Variants in SNX6 observed in about 807,000 individuals in gnomAD.
The protein encoded by SNX6 is sorting nexin 6, also known as sorting nexin-6.
SNX6 carries 34 observed loss-of-function variants against 63.0 expected under a neutral mutation model. That is an observed-to-expected ratio of 0.54 (90% CI 0.41 to 0.72). The LOEUF is 0.72. Among genes scored for constraint, SNX6 ranks in the 30% least tolerant of loss-of-function variants. The pLI is 0.00. For synonymous variants in SNX6, 170 were observed against 164.2 expected (o/e 1.04, Z -0.27); for missense variants, 398 against 471.4 (o/e 0.84, Z 1.44).
At chr14:34,586,513 G>C (rs1882163229) in intron 8 of SNX6, among the ~76,000 whole-genome samples, 1 of 151,540 alleles carries the variant, frequency 6.6e-6, no homozygotes, top group African/African-American at 2.4e-5. Flanking sequence ...TTTGAGACCA[G>C]CTGGGCCAAC....
At chr14:34,575,627 G>C in intron 11 of SNX6, 129 bp downstream of exon 11, 1 of 451,068 alleles carries the variant, frequency 2.2e-6, no homozygotes, top group Admixed American at 3.9e-5. Flanking sequence ...AGGAGAAATA[G>C]AATTCATATT....
In SNX6 at chr14:34,567,975, A is replaced by G. The variant is rs1432445921; in HGVS notation, c.960T>C (p.Tyr320=). The change falls in exon 12 of 14, where the codon TAT becomes TAC. Residue 320 remains tyrosine (Y), a synonymous_variant. Coordinates refer to ENST00000362031, the MANE Select transcript of SNX6 (RefSeq NM_152233.4). ...TATCCAGTGCTTTATTAGCATTTTC[A>G]TAATCCACTAGTGACCTAGACCTTC... ...LYRRSRSLVD[Y]ENANKALDKA... 1 of 1,612,200 alleles carries G rather than the reference A, an allele frequency of 6.2e-7. No individual in the cohort carries two copies. The highest frequency in any genetic ancestry group is 1.7e-5 in the Admixed American group (1 of 59,980).
chr14:34,613,365 C>T (rs935134246), intron 2 of SNX6, among the ~76,000 whole-genome samples: 1 of 152,206 alleles, frequency 6.6e-6, no homozygotes. Context: ...GTTACAGCAG[C>T]CACAGGAAAC....
chr14:34,595,374 T>G (rs1444394476), intron 7 of SNX6, among the ~76,000 whole-genome samples: 4 of 152,112 alleles, frequency 2.6e-5, no homozygotes, highest in Non-Finnish European at 5.9e-5. Context: ...TGACCTCAGG[T>G]GATCTGCCTG....
intron 2 of SNX6, among the ~76,000 whole-genome samples, chr14:34,615,087 C>T (rs1016462071): frequency 6.6e-6 from 1 of 151,968 alleles, no homozygotes; most frequent in African/African-American, 2.4e-5. Flanking sequence ...TTTCCTTATC[C>T]TTCTATACTA....
chr14:34,609,716 T>C lies in SNX6; in HGVS notation c.81A>G (p.Gln27=), dbSNP rs747688398. 10 of 1,611,944 alleles carry C rather than the reference T, an allele frequency of 6.2e-6. No homozygotes were observed. In the South Asian group the frequency reaches 1.1e-4, roughly 18 times the overall value. Residue 27 remains glutamine, a synonymous_variant, in exon 3 of 14, where the codon CAA becomes CAG. Transcript: ENST00000362031. ...TGTCCACCTGCAGAGCAGCATCACT[T>C]TGAAGATCTACATTTATTGCTTTAA... The part of the protein sequence containing the change: ...RGLKAINVDL[Q]SDAALQVDIS...
At chr14:34,588,194 A>C (rs1594716579) in intron 8 of SNX6, among the ~76,000 whole-genome samples, 1 of 151,992 alleles carries the variant, frequency 6.6e-6, no homozygotes, top group Non-Finnish European at 1.5e-5. Flanking sequence ...TTTTTAGTAG[A>C]GACAGGGTTT....
chr14:34,578,869 G>A (rs1259594727), intron 10 of SNX6, among the ~76,000 whole-genome samples: 1 of 137,444 alleles, frequency 7.3e-6, no homozygotes, highest in Non-Finnish European at 1.5e-5. Context: ...AACCTGGGAG[G>A]CGGAGGTTTC....
At chr14:34,577,551 C>T (rs536998792) in intron 10 of SNX6, among the ~76,000 whole-genome samples, 2 of 152,042 alleles carry the variant, frequency 1.3e-5, no homozygotes, top group African/African-American at 4.8e-5. Flanking sequence ...AGAGTAATAA[C>T]CAGAAGTGGT....
intron 6 of SNX6, 51 bp downstream of exon 6, chr14:34,603,297 G>T: frequency 7.4e-7 from 1 of 1,345,730 alleles, no homozygotes; most frequent in Non-Finnish European, 1.0e-6. Flanking sequence ...AAAAAAAAAA[G>T]AAGAAGAAGA....
chr14:34,594,889 G>C (rs908169687), intron 7 of SNX6, among the ~76,000 whole-genome samples: 1 of 151,910 alleles, frequency 6.6e-6, no homozygotes, highest in African/African-American at 2.4e-5. Context: ...CTTGAGCCCA[G>C]GAGTTCAGCC....
chr14:34,601,275 G>C (rs1290702115), intron 6 of SNX6, among the ~76,000 whole-genome samples: 2 of 150,822 alleles, frequency 1.3e-5, no homozygotes, highest in East Asian at 3.9e-4. Flanking sequence ...ACCCAGGCTG[G>C]AATGCAGTGG....
At chr14:34,568,819 A>G in intron 11 of SNX6, 1 of 1,026,696 alleles carries the variant, frequency 9.7e-7, no homozygotes, top group South Asian at 1.3e-5. Flanking sequence ...GGCTTGGAGG[A>G]CCCGGTGGGC....
At chr14:34,563,472 T>G (rs1881022803) in intron 13 of SNX6, among the ~76,000 whole-genome samples, 1 of 149,886 alleles carries the variant, frequency 6.7e-6, no homozygotes, top group Non-Finnish European at 1.5e-5. Flanking sequence ...GGCAAGAGAA[T>G]GGCATGAACC....
intron 6 of SNX6, among the ~76,000 whole-genome samples, chr14:34,598,447 A>G (rs752242175): frequency 4.6e-4 from 70 of 152,212 alleles, no homozygotes; most frequent in South Asian, 8.3e-4. Flanking sequence ...GCTGAAGTGC[A>G]GTGGCGTGAT....
chr14:34,572,669 GTGTTTTTTT>G (rs1450077389), intron 11 of SNX6, among the ~76,000 whole-genome samples: 7 of 151,286 alleles, frequency 4.6e-5, no homozygotes, highest in Non-Finnish European at 4.4e-5. Flanking sequence ...TCAGTTATTT[GTGTTTTTTT>G]TGTTTTTTTT....
At chr14:34,618,538 A>C (rs189712244) in intron 2 of SNX6, among the ~76,000 whole-genome samples, 3 of 152,278 alleles carry the variant, frequency 2.0e-5, no homozygotes, top group Admixed American at 6.5e-5. Context: ...TTTAGTAGAG[A>C]CAAGGTTTCA....
rs1881259971 is a variant in SNX6 at position 34,567,897 on chromosome 14, T to C, written c.1038A>G (p.Leu346=). Reference sequence around the variant, plus strand: ...ATATTTTTTCAAATTTCTGACAACATAATTGTTGGGAAGTTTCGGCCTGTA... The same window carrying C: ...ATATTTTTTCAAATTTCTGACAACACAATTGTTGGGAAGTTTCGGCCTGTA... ...DVLQAETSQQ[L]CCQKFEKISE... is the part of the protein sequence containing the mutation. Residue 346 remains leucine, a synonymous_variant, in exon 12 of 14, where the codon TTA becomes TTG. Coordinates refer to ENST00000362031, the MANE Select transcript of SNX6 (RefSeq NM_152233.4). 6.2e-7 allele frequency: 1 copy of C among 1,614,104 alleles called. No individual in the cohort carries two copies. Among genetic ancestry groups the C allele is most frequent in the East Asian group, 2.2e-5 (1 of 44,872 alleles).
intron 2 of SNX6, among the ~76,000 whole-genome samples, chr14:34,617,199 C>CT (rs946809805): frequency 1.3e-5 from 2 of 152,134 alleles, no homozygotes; most frequent in African/African-American, 4.8e-5. Context: ...ATTGGACTGT[C>CT]TTTTGTCAGA....
Sources: allele counts gnomAD v4.1 joint callset (sites outside exome capture counted in the v4.1 genomes callset), GRCh38; gene constraint gnomAD v4.1.1; transcripts MANE v1.5; gene names NCBI Gene and HGNC (gene_info 2026-07-23, HGNC 2026-07-21).